Variants in STK3 observed in about 807,000 individuals in gnomAD.
STK3 encodes the protein serine/threonine kinase 3, also known as serine/threonine-protein kinase 3.
A neutral mutation model predicts 58.0 loss-of-function variants in STK3; 41 were observed. The ratio of observed to expected loss-of-function variants is 0.71; its 90% confidence interval spans 0.55 to 0.92. STK3 has a LOEUF of 0.92. STK3 is among the 40% of genes least tolerant of loss of function. STK3 has a pLI of 0.00. For synonymous variants in STK3, 170 were observed against 191.0 expected (o/e 0.89, Z 0.91); for missense variants, 479 against 602.7 (o/e 0.79, Z 2.15).
At chr8:98,407,342 T>G (rs182628530) in intron 3 of STK3, among the ~76,000 whole-genome samples, 187 of 152,158 alleles carry the variant, frequency 1.2e-3, no homozygotes, top group Non-Finnish European at 1.5e-3. Context: ...AAGGCTCAAA[T>G]AGAGAGTGTT....
chr8:98,429,408 C>A, intron 3 of STK3: 2 of 1,604,688 alleles, frequency 1.2e-6, no homozygotes, highest in South Asian at 1.1e-5. Context: ...TGATTCCCTA[C>A]GTTAGCCGGG....
chr8:98,865,544 T>C (rs553840609), intron 3 of STK3, among the ~76,000 whole-genome samples: 120 of 152,240 alleles, frequency 7.9e-4, no homozygotes, highest in African/African-American at 2.7e-3. Context: ...TCTTTAAAAA[T>C]ATTTTTAGAG....
chr8:98,378,957 G>T (rs1469704941), intron 2 of STK3, among the ~76,000 whole-genome samples: 2 of 152,180 alleles, frequency 1.3e-5, no homozygotes, highest in Admixed American at 6.5e-5. Flanking sequence ...GAACCCTGTG[G>T]TGTTTGGGGT....
At chr8:98,767,406 A>AAACATCGT in intron 2 of STK3, 35 bp from the exon 3 acceptor site, 1 of 1,544,934 alleles carries the variant, frequency 6.5e-7, no homozygotes, top group Non-Finnish European at 8.7e-7. Context: ...TTTTCCTATC[A>AAACATCGT]AACATCGTAA....
chr8:98,457,788 A>G (rs1284252775), intron 10 of STK3, among the ~76,000 whole-genome samples: 4 of 152,186 alleles, frequency 2.6e-5, no homozygotes, highest in Admixed American at 6.5e-5. Flanking sequence ...AACAATTATC[A>G]TTACTTTAAT....
At chr8:98,446,364 C>T (rs10098835) in intron 1 of STK3, among the ~76,000 whole-genome samples, 69,296 of 152,126 alleles carry the variant, frequency 0.46, 15,966 homozygotes, top group Admixed American at 0.55. Context: ...CACTGGCACA[C>T]AGTTGGTGCT....
the STK3 span, among the ~76,000 whole-genome samples, chr8:98,346,774 C>T: frequency 1.3e-5 from 2 of 151,514 alleles, no homozygotes; most frequent in South Asian, 2.1e-4. Flanking sequence ...AATTTATCTC[C>T]AGCAGGCCTA....
intron 3 of STK3, among the ~76,000 whole-genome samples, chr8:98,760,230 C>T (rs1386998862): frequency 6.6e-6 from 1 of 152,176 alleles, no homozygotes; most frequent in Non-Finnish European, 1.5e-5. Context: ...TAGCTTCAAA[C>T]TCTTGGGCTC....
At chr8:98,738,288 C>A (rs541034708) in intron 4 of STK3, among the ~76,000 whole-genome samples, 1 of 151,932 alleles carries the variant, frequency 6.6e-6, no homozygotes, top group Non-Finnish European at 1.5e-5. Context: ...GCCTGGCCAA[C>A]GTGGCGAAAC....
intron 10 of STK3, among the ~76,000 whole-genome samples, chr8:98,484,587 G>A (rs77282218): frequency 2.6e-5 from 4 of 151,784 alleles, no homozygotes; most frequent in African/African-American, 9.7e-5. Flanking sequence ...GTGACTAAAC[G>A]ATTTCACCAT....
At chr8:98,406,281 T>TTTTATTTTA (rs1554587121) in intron 3 of STK3, among the ~76,000 whole-genome samples, 2 of 83,732 alleles carry the variant, frequency 2.4e-5, no homozygotes, top group African/African-American at 7.1e-5. Context: ...TTTTATTTTA[T>TTTTATTTTA]TTTATTTTAT....
In STK3 at chr8:98,479,738, C is replaced by A. The variant is rs188146921; in HGVS notation, c.1318-23738G>T. Among the ~76,000 whole-genome samples the A allele has an allele frequency of 1.5e-3, 232 of 152,188 alleles. 5 individuals are homozygous for A. The highest frequency in any genetic ancestry group is 4.3e-4 in the Non-Finnish European group (29 of 68,010). Reference sequence around the variant, plus strand: ...TGAAGAATCTGGAAAATGCAATCCACCCCCAATGGAAAAGACAATCAACAG... The same window carrying A: ...TGAAGAATCTGGAAAATGCAATCCAACCCCAATGGAAAAGACAATCAACAG... On this transcript the variant is annotated intron_variant, in intron 10 of 10. Transcript: ENST00000419617.
At chr8:98,587,422 T>C (rs1007889111) in intron 7 of STK3, among the ~76,000 whole-genome samples, 8 of 152,142 alleles carry the variant, frequency 5.3e-5, no homozygotes, top group African/African-American at 1.9e-4. Flanking sequence ...GTGAGATTCT[T>C]AATCCTGAGT....
chr8:98,370,027 A>G (rs1817595454), downstream of STK3, among the ~76,000 whole-genome samples: 1 of 151,154 alleles, frequency 6.6e-6, no homozygotes, highest in Non-Finnish European at 1.5e-5. Flanking sequence ...CTGCACAGAT[A>G]TGGGGCAGAA....
At chr8:98,364,260 G>T in the STK3 span, among the ~76,000 whole-genome samples, 1 of 152,210 alleles carries the variant, frequency 6.6e-6, no homozygotes, top group African/African-American at 2.4e-5. Context: ...CCACTCGCCT[G>T]CTTTCCATCA....
intron 10 of STK3, among the ~76,000 whole-genome samples, chr8:98,502,950 A>G (rs974032881): frequency 9.9e-5 from 15 of 152,134 alleles, no homozygotes; most frequent in African/African-American, 3.4e-4. Context: ...CTCTTTTTCT[A>G]TTGATTACAA....
rs1187315994 is a variant in STK3, at chr8:98,526,876, C to T, written c.1183G>A (p.Asp395Asn). The change falls in exon 10 of 11, where the codon GAC (aspartate) becomes AAC (asparagine). Residue 395 changes from aspartate to asparagine, a missense_variant. Coordinates refer to ENST00000419617, the MANE Select transcript of STK3 (RefSeq NM_006281.4). ...TTGAAGTCTTGCTTATCAAAGTAGTCCATGAAAGATGGTCTTTGTACTTGT... is the reference window on the plus strand; with the variant it reads ...TTGAAGTCTTGCTTATCAAAGTAGTTCATGAAAGATGGTCTTTGTACTTGT... ...SPQVQRPSFM[D>N]YFDKQDFKNK... 3 of 1,593,840 alleles carry T rather than the reference C, an allele frequency of 1.9e-6. No homozygotes were observed. The highest frequency in any genetic ancestry group is 2.6e-6 in the Non-Finnish European group (3 of 1,167,830).
chr8:98,446,722 C>A (rs1248377567), intron 1 of STK3, among the ~76,000 whole-genome samples: 4 of 152,134 alleles, frequency 2.6e-5, no homozygotes, highest in Non-Finnish European at 5.9e-5. Flanking sequence ...TTTGACCCAG[C>A]AATCCCATTA....
intron 7 of STK3, among the ~76,000 whole-genome samples, chr8:98,584,594 A>G (rs1814305460): frequency 6.7e-6 from 1 of 149,436 alleles, no homozygotes; most frequent in Non-Finnish European, 1.5e-5. Flanking sequence ...CATGATTTAT[A>G]GTCCTTTGGG....
Sources: allele counts gnomAD v4.1 joint callset (sites outside exome capture counted in the v4.1 genomes callset), GRCh38; gene constraint gnomAD v4.1.1; transcripts MANE v1.5; gene names NCBI Gene and HGNC (gene_info 2026-07-23, HGNC 2026-07-21).